TIAM1: variants seen among roughly 807,000 people sequenced by gnomAD.
TIAM1 encodes the protein rho guanine nucleotide exchange factor TIAM1.
Under a neutral mutation model 163.5 loss-of-function variants are expected in TIAM1, and 65 were observed. The observed-to-expected ratio is 0.40, with a 90% CI of 0.33 to 0.49. The LOEUF (loss-of-function observed/expected upper bound fraction) is 0.49, where lower values mean the gene tolerates loss of function less well. Among genes scored for constraint, TIAM1 ranks in the 20% least tolerant of loss-of-function variants. The pLI, the probability that TIAM1 is intolerant of heterozygous loss-of-function variation, is 0.77. For missense variants in TIAM1, 1,789 were observed against 2,044.7 expected, an observed-to-expected ratio of 0.87 and a Z score of 2.41; for synonymous variants, 833 against 810.1, an observed-to-expected ratio of 1.03 and a Z score of -0.48.
At chr21:31,198,860 G>A (rs927303813) in intron 12 of TIAM1, among the ~76,000 whole-genome samples, 5 of 152,044 alleles carry the variant, frequency 3.3e-5, no homozygotes, top group African/African-American at 9.7e-5. Context: ...AGACAGGCCC[G>A]CTGGCCACAA....
At chr21:31,544,694 T>G (rs2048431890) in intron 1 of TIAM1, among the ~76,000 whole-genome samples, 1 of 151,264 alleles carries the variant, frequency 6.6e-6, no homozygotes, top group Non-Finnish European at 1.5e-5. Context: ...GGTTATGGGT[T>G]GAACTGTAGC....
chr21:31,326,487 T>C (rs547279775), intron 2 of TIAM1, among the ~76,000 whole-genome samples: 1 of 152,168 alleles, frequency 6.6e-6, no homozygotes, highest in Non-Finnish European at 1.5e-5. Context: ...CAGTTAACAA[T>C]ACCATCCTTC....
At position 31,321,334 on chromosome 21, in the gene TIAM1, C is replaced by CTGTTTGTTTGTT. The variant is rs112634900; in HGVS notation, c.-189+17897_-189+17908dup. Among the ~76,000 whole-genome samples the CTGTTTGTTTGTT allele has an allele frequency of 2.4e-3, 357 of 150,620 alleles. 1 individual carries two copies. Among genetic ancestry groups the CTGTTTGTTTGTT allele is most frequent in the African/African-American group, 8.2e-3 (336 of 41,028 alleles). The stretch of plus-strand genomic sequence containing the variant: ...AGAGTACGTTATTTCCCATGCTCTA[C>CTGTTTGTTTGTT]TGTTTGTTTGTTTGTTTGTTTGTTT... On this transcript the variant is annotated intron_variant, in intron 2 of 27. Coordinates refer to ENST00000541036, the MANE Select transcript of TIAM1 (RefSeq NM_001353694.2).
chr21:31,454,866 C>T lies in TIAM1; in HGVS notation c.-369+9117G>A, dbSNP rs1430944433. Among the ~76,000 whole-genome samples, 11 of 152,024 alleles carry T rather than the reference C, an allele frequency of 7.2e-5. No homozygotes were observed. The South Asian group carries it at 2.1e-3, about 29-fold the overall frequency. On this transcript the variant is annotated intron_variant, in intron 2 of 28. Coordinates refer to the TIAM1 transcript ENST00000286827. ...TGAGCGTCTGGGGACAGCGACTCCCCAATAAGCAGGGAGCACACCTTAAGC... is the reference window on the plus strand; with the variant it reads ...TGAGCGTCTGGGGACAGCGACTCCCTAATAAGCAGGGAGCACACCTTAAGC...
chr21:31,486,897 C>T (rs1001874116), intron 1 of TIAM1, among the ~76,000 whole-genome samples: 1 of 152,216 alleles, frequency 6.6e-6, no homozygotes, highest in African/African-American at 2.4e-5. Context: ...TTGCCCAACT[C>T]CTCACCGGGG....
chr21:31,344,952 A>T (rs1258472077), upstream of TIAM1, among the ~76,000 whole-genome samples: 1 of 152,196 alleles, frequency 6.6e-6, no homozygotes, highest in African/African-American at 2.4e-5. Context: ...AGTTTCTAAA[A>T]ATGTGAAAGG....
intron 2 of TIAM1, among the ~76,000 whole-genome samples, chr21:31,332,503 A>T (rs1019321442): frequency 5.3e-5 from 8 of 152,174 alleles, no homozygotes; most frequent in Non-Finnish European, 1.2e-4. Flanking sequence ...CTCATATTTC[A>T]TATTAATGAA....
intron 2 of TIAM1, among the ~76,000 whole-genome samples, chr21:31,303,612 A>AT (rs2074584744): frequency 6.6e-6 from 1 of 152,026 alleles, no homozygotes; most frequent in Non-Finnish European, 1.5e-5. Context: ...CATCAAAATG[A>AT]TTTATAATTT....
At chr21:31,364,743 TGAGTAAAGAATG>T (rs2147142183) in intron 2 of TIAM1, among the ~76,000 whole-genome samples, 1 of 152,198 alleles carries the variant, frequency 6.6e-6, no homozygotes, top group East Asian at 1.9e-4. Flanking sequence ...ATGGACAGAC[TGAGTAAAGAATG>T]GTGGCAGTTA....
intron 2 of TIAM1, among the ~76,000 whole-genome samples, chr21:31,361,127 C>T (rs2076399278): frequency 6.6e-6 from 1 of 152,110 alleles, no homozygotes; most frequent in African/African-American, 2.4e-5. Context: ...AAATGATCAC[C>T]AGCAGTAGAA....
intron 1 of TIAM1, among the ~76,000 whole-genome samples, chr21:31,558,511 A>G (rs1391064900): frequency 6.6e-6 from 1 of 152,102 alleles, no homozygotes; most frequent in Non-Finnish European, 1.5e-5. Flanking sequence ...AGGATGCACA[A>G]GCACGCCCTC....
At chr21:31,286,343 G>A (rs936775557) in intron 2 of TIAM1, among the ~76,000 whole-genome samples, 9 of 152,056 alleles carry the variant, frequency 5.9e-5, no homozygotes, top group African/African-American at 1.2e-4. Flanking sequence ...GCAGGAGGAC[G>A]ACTTGGGCCC....
In TIAM1 at chr21:31,120,322, G is replaced by C; in HGVS notation, c.*46C>G. 2.0e-6 allele frequency: 3 copies of C among 1,537,098 alleles called. No homozygotes were observed. The highest frequency in any genetic ancestry group is 2.6e-6 in the Non-Finnish European group (3 of 1,135,460). On this transcript the variant is annotated 3_prime_UTR_variant, in exon 28 of 28. Coordinates refer to ENST00000541036, the MANE Select transcript of TIAM1 (RefSeq NM_001353694.2). The surrounding 1 kb of genome is among the most constrained non-coding windows in gnomAD (Gnocchi z 4.2). ...CGGTACAGGAGGGTGGGCAGAGTTA[G>C]GGCAGGAAGTATCTACACACATTCT...
In TIAM1 at chr21:31,160,200, A is replaced by G. The variant is rs567318110; in HGVS notation, c.2991+4762T>C. Among the ~76,000 whole-genome samples the G allele has an allele frequency of 4.6e-5, 7 of 152,360 alleles. No homozygotes were observed. In the South Asian group the frequency reaches 1.2e-3, roughly 27 times the overall value. ...CATCTTTCTGCCATTTAAGTATAAA[A>G]GAGTAGAAAAATGTAAAGATGCTAG... On this transcript the variant is annotated intron_variant, in intron 16 of 27. Coordinates refer to ENST00000541036, the MANE Select transcript of TIAM1 (RefSeq NM_001353694.2).
At chr21:31,345,823 G>A (rs2076137682), upstream of TIAM1, among the ~76,000 whole-genome samples, 1 of 152,134 alleles carries the variant, frequency 6.6e-6, no homozygotes, top group Non-Finnish European at 1.5e-5. Context: ...GGTGGTGTGT[G>A]CCTGTAATTC....
At chr21:31,205,190 A>C (rs1328784193) in intron 11 of TIAM1, among the ~76,000 whole-genome samples, 1 of 152,244 alleles carries the variant, frequency 6.6e-6, no homozygotes, top group Non-Finnish European at 1.5e-5. Context: ...CCTAAGAGAG[A>C]TCGAAGCTGC....
Position 31,129,992 on chromosome 21 carries a change from C to A in TIAM1, c.4045+221G>T, listed in dbSNP as rs8129009. 2.7e-3 allele frequency among the ~76,000 whole-genome samples: 405 copies of A among 151,198 alleles called. 2 individuals carry two copies. The highest frequency in any genetic ancestry group is 9.3e-3 in the African/African-American group (381 of 41,126). Reference sequence around the variant, plus strand: ...ACATTACACATCCATTCACTCAGTTCATTCATTCACTTGGTTCATTCATTC... The same window carrying A: ...ACATTACACATCCATTCACTCAGTTAATTCATTCACTTGGTTCATTCATTC... On this transcript the variant is annotated intron_variant, in intron 25 of 27. Coordinates refer to ENST00000541036, the MANE Select transcript of TIAM1 (RefSeq NM_001353694.2).
chr21:31,369,321 A>G (rs536037370), intron 2 of TIAM1, among the ~76,000 whole-genome samples: 1 of 152,094 alleles, frequency 6.6e-6, no homozygotes, highest in East Asian at 1.9e-4. Context: ...TTTGGTCTCA[A>G]TGTCTGTGTG....
chr21:31,276,668 C>T (rs1003351989), intron 3 of TIAM1, 64 bp downstream of exon 3: 8 of 152,234 alleles, frequency 5.3e-5, no homozygotes, highest in Admixed American at 2.0e-4. Context: ...TGTCCCACCA[C>T]CTTTGAAGCA....
Sources: gnomAD v4.1 joint callset for allele counts (sites outside exome capture counted in the v4.1 genomes callset) on GRCh38, gnomAD v4.1.1 for gene constraint, Gnocchi (gnomAD v3.1) non-coding constraint, MANE v1.5 for transcripts, NCBI Gene and HGNC (gene_info 2026-07-23, HGNC 2026-07-21) for gene names.